Variants in NHS observed in about 807,000 individuals in gnomAD.
NHS encodes NHS actin remodeling regulator.
NHS carries 5 observed loss-of-function variants against 72.5 expected under a neutral mutation model. The ratio of observed to expected loss-of-function variants is 0.07; its 90% CI spans 0.04 to 0.14. The LOEUF is 0.14. Ranked by LOEUF, NHS falls within the 10% of genes least tolerant of loss-of-function variation. The pLI is 1.00. For synonymous variants in NHS, 464 were observed against 547.7 expected (o/e 0.85, Z 2.13); for missense variants, 1,072 against 1,355.7 (o/e 0.79, Z 3.29).
At position 17,492,167 on chromosome X, in the gene NHS, G is replaced by A. The variant is rs988847501; in HGVS notation, c.565+115845G>A. 2.7e-5 allele frequency among the ~76,000 whole-genome samples: 3 copies of A among 110,178 alleles called. No homozygotes were observed. In the Admixed American group the frequency reaches 2.9e-4, roughly 11 times the overall value. ...GCTCTGATCTTAATTATTTCTTGTCGTCTGCTAGCTTTTGAATTTGATTGC... is the reference window on the plus strand; with the variant it reads ...GCTCTGATCTTAATTATTTCTTGTCATCTGCTAGCTTTTGAATTTGATTGC... On this transcript the variant is annotated intron_variant, in intron 1 of 8. Transcript: ENST00000676302.
chrX:17,561,566 G>GCA (rs1287457429), intron 1 of NHS, among the ~76,000 whole-genome samples: 110 of 69,077 alleles, frequency 1.6e-3, no homozygotes, highest in African/African-American at 6.2e-3. Flanking sequence ...ATGCGCGCGC[G>GCA]CGCGCGCGCA....
chrX:17,584,901 T>C (rs2065566416), intron 1 of NHS, among the ~76,000 whole-genome samples: 1 of 112,203 alleles, frequency 8.9e-6, no homozygotes, highest in Admixed American at 9.4e-5. Flanking sequence ...AGGCTGACTT[T>C]ATAGCTTGCA....
intron 1 of NHS, among the ~76,000 whole-genome samples, chrX:17,423,300 T>A (rs1440455576): frequency 9.1e-6 from 1 of 110,252 alleles, no homozygotes; most frequent in African/African-American, 3.5e-5. Context: ...ATGTGCTGTC[T>A]TCATCAATGG....
rs754663070 is a variant in NHS at position 17,687,863 on chromosome X, C to T, written c.687C>T (p.His229=). Residue 229 remains histidine (H), a synonymous_variant, in exon 2 of 9, where the codon CAC becomes CAT. Coordinates refer to ENST00000676302, the MANE Select transcript of NHS (RefSeq NM_001291867.2). ...CCTGCGTGGAGGAGCTGCACCGCCA[C>T]GCCCGGCAGAGCCTGCAAGCCCTGC... ...RPPCVEELHR[H]ARQSLQALRR... is the part of the protein sequence containing the mutation. The T allele has an allele frequency of 2.3e-5, 28 of 1,210,469 alleles. No individual in the cohort carries two copies. The highest frequency in any genetic ancestry group is 8.9e-5 in the East Asian group (3 of 33,752).
chrX:17,549,568 C>T (rs1292032028), intron 1 of NHS, among the ~76,000 whole-genome samples: 2 of 111,933 alleles, frequency 1.8e-5, no homozygotes, highest in African/African-American at 6.5e-5. Flanking sequence ...GCCAGCTTTT[C>T]ACAGCAGCGG....
At chrX:17,561,588 ACACAC>A in intron 1 of NHS, among the ~76,000 whole-genome samples, 1 of 99,618 alleles carries the variant, frequency 1.0e-5, no homozygotes, top group East Asian at 3.4e-4. Flanking sequence ...ACACACACAC[ACACAC>A]ACACACACAC....
chrX:17,579,101 C>T (rs1374579024), intron 1 of NHS, among the ~76,000 whole-genome samples: 1 of 112,327 alleles, frequency 8.9e-6, no homozygotes, highest in Non-Finnish European at 1.9e-5. Flanking sequence ...AATTCAAATT[C>T]CTTTTAAACA....
At chrX:17,437,813 A>G (rs1436701772) in intron 1 of NHS, among the ~76,000 whole-genome samples, 2 of 111,542 alleles carry the variant, frequency 1.8e-5, no homozygotes, top group African/African-American at 6.5e-5. Context: ...GCAAGTGTCC[A>G]ACAAATGTTC....
At position 17,684,158 on chromosome X, in the gene NHS, C is replaced by T. The variant is rs1313797356; in HGVS notation, c.566-3584C>T. Among the ~76,000 whole-genome samples the T allele has an allele frequency of 5.4e-5, 6 of 111,657 alleles. No homozygotes were observed. In the East Asian group the frequency reaches 1.7e-3, roughly 31 times the overall value. On this transcript the variant is annotated intron_variant, in intron 1 of 8. Transcript: ENST00000676302. Reference sequence around the variant, plus strand: ...CCTTCTGCCATGATTGTGAGGCCTCCCCAACCATGTGGAACTGTGAGCCCA... The same window carrying T: ...CCTTCTGCCATGATTGTGAGGCCTCTCCAACCATGTGGAACTGTGAGCCCA...
intron 1 of NHS, among the ~76,000 whole-genome samples, chrX:17,527,723 AAGG>A (rs1346756657): frequency 8.9e-6 from 1 of 112,028 alleles, no homozygotes; most frequent in East Asian, 2.8e-4. Context: ...AGTTTAAGGA[AAGG>A]AGCATTCAGG....
chrX:17,436,801 G>A (rs775861063), intron 1 of NHS, among the ~76,000 whole-genome samples: 1 of 110,699 alleles, frequency 9.0e-6, no homozygotes, highest in Non-Finnish European at 1.9e-5. Flanking sequence ...AAGAAGTCCA[G>A]GAGAGTCACC....
At chrX:17,695,373 A>G (rs1365001407) in intron 3 of NHS, among the ~76,000 whole-genome samples, 1 of 112,519 alleles carries the variant, frequency 8.9e-6, no homozygotes, top group Non-Finnish European at 1.9e-5. Flanking sequence ...TAACTATAGG[A>G]TAGAATACAA....
chrX:17,518,006 C>A (rs2065129073), intron 1 of NHS, among the ~76,000 whole-genome samples: 1 of 111,270 alleles, frequency 9.0e-6, no homozygotes, highest in South Asian at 3.8e-4. Context: ...ACAAATGACT[C>A]CCAAATCTCA....
intron 1 of NHS, among the ~76,000 whole-genome samples, chrX:17,571,565 T>A (rs1310992965): frequency 7.1e-5 from 8 of 111,961 alleles, no homozygotes; most frequent in Non-Finnish European, 1.5e-4. Flanking sequence ...TCTCTTTTCT[T>A]TATTAGTCTT....
intron 1 of NHS, among the ~76,000 whole-genome samples, chrX:17,398,678 G>T (rs899878279): frequency 1.5e-4 from 17 of 111,797 alleles, no homozygotes; most frequent in African/African-American, 5.5e-4. Flanking sequence ...GTCTAAAGTG[G>T]TCTTACCTCT....
chrX:17,724,572 G>A (rs2066429452), intron 6 of NHS, 142 bp downstream of exon 6: 2 of 821,803 alleles, frequency 2.4e-6, no homozygotes, highest in Non-Finnish European at 3.5e-6. Context: ...AGCAAGCCAG[G>A]TGGTATTACT....
intron 1 of NHS, among the ~76,000 whole-genome samples, chrX:17,673,237 C>CACACACACACACACACACACACACACAG (rs796409129): frequency 1.1e-5 from 1 of 95,006 alleles, no homozygotes; most frequent in African/African-American, 4.0e-5. Flanking sequence ...CACACACACA[C>CACACACACACACACACACACACACACAG]AAGAAAGCTC....
rs1422901444 is a variant in NHS at position 17,724,281 on chromosome X, C to A, written c.1109-18C>A. 2 of 1,209,681 alleles carry A rather than the reference C, an allele frequency of 1.7e-6. No homozygotes were observed. The highest frequency in any genetic ancestry group is 3.5e-5 in the African/African-American group (2 of 57,186). On this transcript the variant is annotated intron_variant, in intron 5 of 8. Transcript: ENST00000676302. ...TTTGCCATTTCTAAAGCTAATGAGA[C>A]CTATTTGTGGGTTGCAGGAGTTGGC...
Position 17,688,026 on chromosome X carries a change from C to A in NHS, c.718+132C>A, listed in dbSNP as rs1211689109. 9.7e-6 allele frequency: 7 copies of A among 721,726 alleles called. No individual in the cohort carries two copies. In the Admixed American group the frequency reaches 1.2e-4, roughly 13 times the overall value. The allele number at this position is 721,726 out of a possible 1,213,427, so 59.5% of individuals were successfully genotyped here. A position where few individuals can be genotyped will look rare whatever the true frequency, so the allele number is the denominator to read the frequency against. ...GTACTTTGAAATGCTCCCGTTTCTA[C>A]CCTGAAATGAAATCCATGGGTAATA... On this transcript the variant is annotated intron_variant, in intron 2 of 8. Transcript: ENST00000676302.
Sources: allele counts gnomAD v4.1 joint callset (sites outside exome capture counted in the v4.1 genomes callset), GRCh38; gene constraint gnomAD v4.1.1; transcripts MANE v1.5; gene names NCBI Gene and HGNC (gene_info 2026-07-23, HGNC 2026-07-21).